The following ROBO2 variants were observed in gnomAD, a reference collection of about 807,000 sequenced individuals.
The protein encoded by ROBO2 is roundabout homolog 2.
A neutral mutation model predicts 160.8 loss-of-function variants in ROBO2; 53 were observed. That is an observed-to-expected ratio of 0.33 (90% CI 0.26 to 0.41). The LOEUF (loss-of-function observed/expected upper bound fraction) is 0.41. Among genes scored for constraint, ROBO2 ranks in the 10% least tolerant of loss-of-function variants. ROBO2 has a pLI of 1.00. For synonymous variants in ROBO2, 664 were observed against 611.7 expected (o/e 1.09, Z -1.26); for missense variants, 1,577 against 1,722.4 (o/e 0.92, Z 1.49).
intron 2 of ROBO2, among the ~76,000 whole-genome samples, chr3:76,569,521 T>C (rs2084828982): frequency 1.3e-5 from 2 of 152,104 alleles, no homozygotes; most frequent in African/African-American, 4.8e-5. Flanking sequence ...TTATAAACAA[T>C]GAATTATGCA....
chr3:77,623,515 C>T (rs2094942926), intron 23 of ROBO2, among the ~76,000 whole-genome samples: 1 of 152,206 alleles, frequency 6.6e-6, no homozygotes, highest in African/African-American at 2.4e-5. Flanking sequence ...CTGTATTCCT[C>T]CCTGAATTAC....
chr3:76,774,916 A>T (rs2062146398), intron 2 of ROBO2, among the ~76,000 whole-genome samples: 1 of 150,478 alleles, frequency 6.6e-6, no homozygotes, highest in Admixed American at 6.7e-5. Context: ...GCTGGCACGA[A>T]GGCTCAAAAT....
chr3:76,871,515 C>G (rs1295665821), intron 2 of ROBO2, among the ~76,000 whole-genome samples: 1 of 145,814 alleles, frequency 6.9e-6, no homozygotes, highest in Non-Finnish European at 1.5e-5. Context: ...GATCCCGCCA[C>G]TGCACTCCAG....
At chr3:76,208,941 G>A (rs991325313) in intron 2 of ROBO2, among the ~76,000 whole-genome samples, 1 of 152,034 alleles carries the variant, frequency 6.6e-6, no homozygotes, top group Admixed American at 6.6e-5. Context: ...TTTGGAGGTC[G>A]TTTTGCATGT....
chr3:77,533,885 C>T (rs1219215390), intron 6 of ROBO2, among the ~76,000 whole-genome samples: 1 of 146,584 alleles, frequency 6.8e-6, no homozygotes, highest in Non-Finnish European at 1.5e-5. Context: ...CTACAGTAGG[C>T]TTTTTTTTTT....
intron 2 of ROBO2, among the ~76,000 whole-genome samples, chr3:76,529,898 G>A (rs1462838633): frequency 6.6e-6 from 1 of 152,114 alleles, no homozygotes. Context: ...TCAGATTATT[G>A]CTAGTATCCA....
At chr3:76,861,704 A>G (rs1268787639) in intron 2 of ROBO2, among the ~76,000 whole-genome samples, 2 of 152,192 alleles carry the variant, frequency 1.3e-5, no homozygotes, top group African/African-American at 4.8e-5. Flanking sequence ...TCAGGTTGGT[A>G]TCTTAAAGTC....
At chr3:77,345,095 T>G (rs139779504) in intron 2 of ROBO2, among the ~76,000 whole-genome samples, 89 of 152,168 alleles carry the variant, frequency 5.8e-4, no homozygotes, top group African/African-American at 2.0e-3. Context: ...CCGTAAAAAC[T>G]CTTATGAGAT....
Position 76,574,507 on chromosome 3 carries a change from T to C in ROBO2, c.110-523507T>C, listed in dbSNP as rs149741536. Among the ~76,000 whole-genome samples the C allele has an allele frequency of 1.3e-4, 20 of 152,212 alleles. No homozygotes were observed. The Middle Eastern group carries it at 0.014, about 104-fold the overall frequency. The stretch of plus-strand genomic sequence containing the variant: ...TAGAGCTTTAAGTTTTAGAACAATA[T>C]AAAGAAAACCTTTTAATATTGATTG... On this transcript the variant is annotated intron_variant, in intron 2 of 26. Transcript: ENST00000487694.
chr3:76,550,952 A>T (rs1476885849), intron 2 of ROBO2, among the ~76,000 whole-genome samples: 1 of 151,942 alleles, frequency 6.6e-6, no homozygotes, highest in Non-Finnish European at 1.5e-5. Flanking sequence ...TGGCATGTTG[A>T]TGGCAGGAGG....
At chr3:77,345,089 A>T (rs1277569794) in intron 2 of ROBO2, among the ~76,000 whole-genome samples, 3 of 152,122 alleles carry the variant, frequency 2.0e-5, no homozygotes, top group African/African-American at 4.8e-5. Flanking sequence ...AAAAAACCGT[A>T]AAAACTCTTA....
intron 2 of ROBO2, chr3:76,311,059 G>A (rs528675257): frequency 6.6e-6 from 1 of 152,320 alleles, no homozygotes; most frequent in Admixed American, 6.5e-5. Context: ...GTGGAGAACA[G>A]AAATTATTTT....
chr3:76,983,832 T>C (rs2060227423), intron 2 of ROBO2, among the ~76,000 whole-genome samples: 1 of 152,302 alleles, frequency 6.6e-6, no homozygotes, highest in African/African-American at 2.4e-5. Flanking sequence ...AAATAACTGG[T>C]AAAGCTGGTG....
At chr3:76,858,624 T>C (rs2070397937) in intron 2 of ROBO2, among the ~76,000 whole-genome samples, 1 of 152,186 alleles carries the variant, frequency 6.6e-6, no homozygotes, top group Admixed American at 6.5e-5. Flanking sequence ...GAAGTAAGAC[T>C]CGATATCTAA....
Position 76,598,747 on chromosome 3 carries a change from T to C in ROBO2, c.110-499267T>C, listed in dbSNP as rs9831790. On this transcript the variant is annotated intron_variant, in intron 2 of 26. Transcript: ENST00000487694. The stretch of plus-strand genomic sequence containing the variant: ...TTGAAAGGACTCAAACATGTCCAGA[T>C]GGGGAAAAAGCTGAGGGGTGAAAAA... Among the ~76,000 whole-genome samples, 368 of 152,176 alleles carry C rather than the reference T, an allele frequency of 2.4e-3. 2 individuals carry two copies. The highest frequency in any genetic ancestry group is 6.9e-3 in the African/African-American group (285 of 41,540).
intron 2 of ROBO2, among the ~76,000 whole-genome samples, chr3:76,900,068 G>A (rs756579248): frequency 2.6e-5 from 4 of 152,036 alleles, no homozygotes; most frequent in Non-Finnish European, 5.9e-5. Flanking sequence ...AGGCAAGAAG[G>A]AGCAAGTCAC....
intron 2 of ROBO2, among the ~76,000 whole-genome samples, chr3:76,399,111 A>G (rs1327705376): frequency 6.6e-6 from 1 of 151,844 alleles, no homozygotes; most frequent in South Asian, 2.1e-4. Flanking sequence ...ATTTTATAAC[A>G]TTGAAATCAT....
intron 2 of ROBO2, among the ~76,000 whole-genome samples, chr3:77,025,970 A>T (rs1333386804): frequency 6.6e-6 from 1 of 152,224 alleles, no homozygotes; most frequent in African/African-American, 2.4e-5. Flanking sequence ...TAGAAATTGC[A>T]TTCATTACGA....
intron 2 of ROBO2, among the ~76,000 whole-genome samples, chr3:75,977,926 A>C (rs970512047): frequency 2.0e-5 from 3 of 151,700 alleles, no homozygotes; most frequent in South Asian, 2.1e-4. Flanking sequence ...TGAACTTTTC[A>C]ATTTAGAGAC....
Sources: allele counts gnomAD v4.1 joint callset (sites outside exome capture counted in the v4.1 genomes callset), GRCh38; gene constraint gnomAD v4.1.1; transcripts MANE v1.5; gene names NCBI Gene and HGNC (gene_info 2026-07-23, HGNC 2026-07-21).